The following NAA60 variants were observed in gnomAD, a reference collection of about 807,000 sequenced individuals.
The protein encoded by NAA60 is N-alpha-acetyltransferase 60.
NAA60 carries 8 observed loss-of-function variants against 26.1 expected under a neutral mutation model. The observed-to-expected ratio is 0.31, with a 90% CI of 0.18 to 0.55. The LOEUF (loss-of-function observed/expected upper bound fraction) is 0.55, where lower values mean the gene tolerates loss of function less well. NAA60 is among the 20% of genes least tolerant of loss of function. The probability of loss-of-function intolerance (pLI) is 0.93; values close to 1 mark genes in which losing one functional copy is unlikely to be tolerated. For synonymous variants in NAA60, 131 were observed against 122.5 expected, an observed-to-expected ratio of 1.07 and a Z score of -0.46; for missense variants, 290 against 311.3, an observed-to-expected ratio of 0.93 and a Z score of 0.51.
intron 2 of NAA60, among the ~76,000 whole-genome samples, chr16:3,459,355 G>A (rs2035222972): frequency 6.6e-6 from 1 of 152,110 alleles, no homozygotes; most frequent in East Asian, 1.9e-4. Flanking sequence ...AGGGAGAGGG[G>A]GAGTCTTCAA....
At chr16:3,481,478 GC>G (rs975100467) in intron 4 of NAA60, among the ~76,000 whole-genome samples, 2 of 151,928 alleles carry the variant, frequency 1.3e-5, no homozygotes, top group African/African-American at 4.8e-5. Context: ...TTTCCTGAGT[GC>G]CCCCTGGTGA....
chr16:3,456,441 CCT>C (rs1491552837), intron 2 of NAA60, among the ~76,000 whole-genome samples: 1 of 147,208 alleles, frequency 6.8e-6, no homozygotes, highest in African/African-American at 2.6e-5. Context: ...CGAGCAATTT[CCT>C]TTTTTTTTTT....
intron 2 of NAA60, among the ~76,000 whole-genome samples, chr16:3,467,161 G>A (rs1024676924): frequency 6.6e-6 from 1 of 152,294 alleles, no homozygotes; most frequent in East Asian, 1.9e-4. Context: ...GTCTCATGCA[G>A]CCTTCCCAGC....
chr16:3,467,581 T>C (rs1635392), intron 2 of NAA60: 61,420 of 152,052 alleles, frequency 0.4, 13,337 homozygotes, highest in African/African-American at 0.58. Context: ...TTTTGGCTTT[T>C]TTACCTGGGG....
At position 3,484,906 on chromosome 16, in the gene NAA60, C is replaced by T. The variant is rs958141898; in HGVS notation, c.*51C>T. On this transcript the variant is annotated 3_prime_UTR_variant, in exon 7 of 8. Coordinates refer to ENST00000407558, the MANE Select transcript of NAA60 (RefSeq NM_001083601.3). ...CCCCACCCTTCGGCCGCCCGCAGAG[C>T]CCGCCTTCCTGTCCATCTGACCCCT... 1.9e-6 allele frequency: 3 copies of T among 1,548,106 alleles called. No individual in the cohort carries two copies. Among genetic ancestry groups the T allele is most frequent in the African/African-American group, 1.4e-5 (1 of 73,072 alleles).
chr16:3,449,348 C>CT (rs1413826827), intron 2 of NAA60, among the ~76,000 whole-genome samples: 1 of 152,038 alleles, frequency 6.6e-6, no homozygotes, highest in East Asian at 1.9e-4. Context: ...GAAACCCCAT[C>CT]TTTACTAAAA....
chr16:3,458,064 C>G (rs908283524), intron 2 of NAA60: 2 of 985,226 alleles, frequency 2.0e-6, no homozygotes, highest in South Asian at 4.7e-5. Context: ...CCGGCTGCGG[C>G]CCCTGCCGGT....
At chr16:3,448,323 C>A in intron 1 of NAA60, 148 bp from the exon 2 acceptor site, 11 of 456,150 alleles carry the variant, frequency 2.4e-5, no homozygotes, top group South Asian at 1.0e-4. Context: ...TAGAGAACTA[C>A]ATGTTTAGAT....
At chr16:3,457,704 G>A (rs552221109) in intron 2 of NAA60, among the ~76,000 whole-genome samples, 4 of 152,356 alleles carry the variant, frequency 2.6e-5, no homozygotes, top group South Asian at 2.1e-4. Context: ...GCCTGCCAGG[G>A]CCTGTGCGGG....
Position 3,443,715 on chromosome 16 carries a change from G to T in NAA60, c.-199G>T, listed in dbSNP as rs752311824. On this transcript the variant is annotated 5_prime_UTR_variant, in exon 1 of 8. Transcript: ENST00000407558. The stretch of plus-strand genomic sequence containing the variant: ...TGGCGGGGTCTCCTCCGTGAGCTCC[G>T]GGCCTGTTTGCCTGCTGAAGTAGAG... 6.8e-7 allele frequency: 1 copy of T among 1,465,946 alleles called. No homozygotes were observed. Among genetic ancestry groups the T allele is most frequent in the Non-Finnish European group, 9.0e-7 (1 of 1,111,144 alleles). The allele number at this position is 1,465,946 out of a possible 1,614,324, so 90.8% of individuals were successfully genotyped here. A position where few individuals can be genotyped will look rare whatever the true frequency, so the allele number is the denominator to read the frequency against.
intron 2 of NAA60, among the ~76,000 whole-genome samples, chr16:3,454,624 C>T (rs37836): frequency 1 from 151,988 of 152,342 alleles, 75,818 homozygotes; most frequent in Middle Eastern, 1. Context: ...CACTCAAACA[C>T]AGCAAAAAAA....
intron 2 of NAA60, chr16:3,457,951 C>T (rs2035085826): frequency 1.0e-6 from 1 of 982,408 alleles, no homozygotes; most frequent in Non-Finnish European, 1.2e-6. Flanking sequence ...GCAGCGCCGG[C>T]CTCAGGGGGC....
At chr16:3,474,115 G>A (rs2036323645) in intron 2 of NAA60, among the ~76,000 whole-genome samples, 3 of 152,132 alleles carry the variant, frequency 2.0e-5, no homozygotes, top group Admixed American at 2.0e-4. Context: ...CGGGGTGGGG[G>A]GTGTGAGTTT....
rs2037078837 is a variant in NAA60, at chr16:3,484,985, C to G, written c.*130C>G. On this transcript the variant is annotated 3_prime_UTR_variant, in exon 7 of 8. Transcript: ENST00000407558. Reference sequence around the variant, plus strand: ...TCTAACTGGGCTCGTCGGCCTGCCCCAGCTGCAGGCCCGGTGCTACACGGG... The same window carrying G: ...TCTAACTGGGCTCGTCGGCCTGCCCGAGCTGCAGGCCCGGTGCTACACGGG... 6.5e-7 allele frequency: 1 copy of G among 1,528,126 alleles called. No individual in the cohort carries two copies. The highest frequency in any genetic ancestry group is 8.8e-7 in the Non-Finnish European group (1 of 1,139,918). 94.7% of individuals were successfully genotyped at this position (1,528,126 alleles called of 1,614,324 possible). A position where few individuals can be genotyped will look rare whatever the true frequency, so the allele number is the denominator to read the frequency against.
At position 3,443,753 on chromosome 16, in the gene NAA60, C is replaced by T. The variant is rs1292744074; in HGVS notation, c.-161C>T. Reference sequence around the variant, plus strand: ...TGCTGAAGTAGAGTCTTAGGGTGACCCCAGGGGGACGTAATGTTTCCGAGA... The same window carrying T: ...TGCTGAAGTAGAGTCTTAGGGTGACTCCAGGGGGACGTAATGTTTCCGAGA... On this transcript the variant is annotated 5_prime_UTR_variant, in exon 1 of 8. Transcript: ENST00000407558. The T allele has an allele frequency of 2.6e-6, 4 of 1,532,284 alleles. No homozygotes were observed. Among genetic ancestry groups the T allele is most frequent in the African/African-American group, 1.4e-5 (1 of 73,048 alleles). The allele number at this position is 1,532,284 out of a possible 1,614,324, so 94.9% of individuals were successfully genotyped here. A position where few individuals can be genotyped will look rare whatever the true frequency, so the allele number is the denominator to read the frequency against.
chr16:3,445,402 T>C (rs1392260466), intron 1 of NAA60, among the ~76,000 whole-genome samples: 1 of 151,570 alleles, frequency 6.6e-6, no homozygotes, highest in Admixed American at 6.6e-5. Context: ...GCCTCCTGAG[T>C]AGCTGGGACT....
chr16:3,454,137 G>A (rs1293332142), intron 2 of NAA60, among the ~76,000 whole-genome samples: 2 of 152,224 alleles, frequency 1.3e-5, no homozygotes, highest in African/African-American at 2.4e-5. Flanking sequence ...GAGGCTGACC[G>A]TGTAGATGGT....
chr16:3,446,530 GAAAAAAAAA>G (rs200188990), intron 1 of NAA60, among the ~76,000 whole-genome samples: 3 of 81,862 alleles, frequency 3.7e-5, no homozygotes, highest in African/African-American at 1.4e-4. Flanking sequence ...GACTCTGTCT[GAAAAAAAAA>G]AAAAAAAGAA....
In NAA60 at chr16:3,473,354, A is replaced by G. The variant is rs546115403; in HGVS notation, c.-6-2868A>G. Among the ~76,000 whole-genome samples, 38 of 152,320 alleles carry G rather than the reference A, an allele frequency of 2.5e-4. No homozygotes were observed. In the South Asian group the frequency reaches 7.2e-3, roughly 29 times the overall value. On this transcript the variant is annotated intron_variant, in intron 2 of 7. Transcript: ENST00000407558. ...GGCCTCACAATCATGGCAGAAGGCA[A>G]AAGTCACGTCTTACATGGTGGCAGG...
Sources: allele counts gnomAD v4.1 joint callset (sites outside exome capture counted in the v4.1 genomes callset), GRCh38; gene constraint gnomAD v4.1.1; transcripts MANE v1.5; gene names NCBI Gene and HGNC (gene_info 2026-07-23, HGNC 2026-07-21).